Variants in MSH3 observed in about 807,000 individuals in gnomAD.
The protein encoded by MSH3 is mutS homolog 3, also known as DNA mismatch repair protein Msh3.
Under a neutral mutation model 123.3 loss-of-function variants are expected in MSH3, and 106 were observed. The observed-to-expected ratio is 0.86, with a 90% CI of 0.73 to 1.01. The LOEUF is 1.01. Among genes scored for constraint, MSH3 ranks in the 50% least tolerant of loss-of-function variants. The probability of loss-of-function intolerance (pLI) is 0.00; values close to 1 mark genes in which losing one functional copy is unlikely to be tolerated. For missense variants in MSH3, 1,459 were observed against 1,347.6 expected, an observed-to-expected ratio of 1.08 and a Z score of -1.29; for synonymous variants, 515 against 481.4, an observed-to-expected ratio of 1.07 and a Z score of -0.91.
intron 17 of MSH3, among the ~76,000 whole-genome samples, chr5:80,780,536 G>A (rs1359419013): frequency 6.6e-6 from 1 of 152,160 alleles, no homozygotes; most frequent in African/African-American, 2.4e-5. Context: ...GAGCCTGCAG[G>A]CATCAGTCTA....
chr5:80,741,547 A>G lies in MSH3; in HGVS notation c.1652A>G (p.Gln551Arg), dbSNP rs1743614866. 6.2e-7 allele frequency: 1 copy of G among 1,604,180 alleles called. No individual in the cohort carries two copies. Among genetic ancestry groups the G allele is most frequent in the Non-Finnish European group, 8.5e-7 (1 of 1,171,062 alleles). Residue 551 changes from glutamine (Q) to arginine (R), a missense_variant and splice_region_variant, in exon 11 of 24, where the codon CAG becomes CGG. Coordinates refer to ENST00000265081, the MANE Select transcript of MSH3 (RefSeq NM_002439.5). ...AGGAATCTGGAAATCCTACAGAATC[A>G]GGTCAGGCAAATACAAGGGCTAGTT... The part of the protein sequence containing the change: ...TLRNLEILQN[Q>R]TDMKTKGSLL...
chr5:80,719,326 A>T (rs1307214843), intron 8 of MSH3, among the ~76,000 whole-genome samples: 1 of 152,100 alleles, frequency 6.6e-6, no homozygotes, highest in Admixed American at 6.5e-5. Context: ...GATTACAGGC[A>T]TGAGCCACTG....
At chr5:80,755,602 C>A (rs565729431) in intron 12 of MSH3, among the ~76,000 whole-genome samples, 17 of 152,140 alleles carry the variant, frequency 1.1e-4, no homozygotes, top group African/African-American at 3.9e-4. Context: ...AACAAACATC[C>A]CTTTAGGACA....
At chr5:80,763,413 C>T (rs1343711083) in intron 13 of MSH3, among the ~76,000 whole-genome samples, 1 of 152,180 alleles carries the variant, frequency 6.6e-6, no homozygotes, top group Non-Finnish European at 1.5e-5. Flanking sequence ...TTATTGGGTA[C>T]ACCATGTTAT....
At chr5:80,844,163 A>G (rs988124185) in intron 20 of MSH3, among the ~76,000 whole-genome samples, 2 of 152,052 alleles carry the variant, frequency 1.3e-5, no homozygotes, top group African/African-American at 2.4e-5. Context: ...TGTACCCAGT[A>G]GTCATTCAGG....
At chr5:80,692,166 G>A (rs1162377945) in intron 8 of MSH3, among the ~76,000 whole-genome samples, 1 of 127,542 alleles carries the variant, frequency 7.8e-6, no homozygotes. Flanking sequence ...AGATAAACAT[G>A]TATATGTTTA....
intron 18 of MSH3, among the ~76,000 whole-genome samples, chr5:80,788,115 A>G (rs890312960): frequency 6.6e-6 from 1 of 152,232 alleles, no homozygotes; most frequent in Admixed American, 6.5e-5. Flanking sequence ...TTTTTCATAA[A>G]GGATGTTAGC....
At chr5:80,805,943 A>T (rs1204874591) in intron 19 of MSH3, among the ~76,000 whole-genome samples, 1 of 152,106 alleles carries the variant, frequency 6.6e-6, no homozygotes, top group African/African-American at 2.4e-5. Flanking sequence ...AGTTGAAGGT[A>T]TCAGTCCTTC....
intron 4 of MSH3, among the ~76,000 whole-genome samples, chr5:80,671,244 G>A (rs1749718459): frequency 6.6e-6 from 1 of 152,202 alleles, no homozygotes; most frequent in Admixed American, 6.5e-5. Flanking sequence ...TATTGCAGAT[G>A]ACACCTTTGT....
At position 80,768,050 on chromosome 5, in the gene MSH3, A is replaced by AT. The variant is rs1744152835; in HGVS notation, c.2018dup (p.Leu673PhefsTer5). The AT allele has an allele frequency of 6.2e-7, 1 of 1,613,822 alleles. No homozygotes were observed. Among genetic ancestry groups the AT allele is most frequent in the African/African-American group, 1.3e-5 (1 of 75,018 alleles). On this transcript the variant is annotated frameshift_variant, in exon 14 of 24. Transcript: ENST00000265081. LOFTEE classifies it high-confidence loss of function. ...TCAGTCAGACTTGCTCCGGACCGTT[A>AT]TTTTAGAAATTCCTGAACTCCTCAG... is the stretch of plus-strand genomic sequence containing the variant.
intron 20 of MSH3, among the ~76,000 whole-genome samples, chr5:80,827,287 T>C (rs1745336792): frequency 1.3e-5 from 2 of 152,226 alleles, no homozygotes; most frequent in South Asian, 4.1e-4. Flanking sequence ...GCTAACAATT[T>C]TCATGCCATG....
chr5:80,848,062 C>T (rs1048282259), intron 20 of MSH3, among the ~76,000 whole-genome samples: 4 of 152,132 alleles, frequency 2.6e-5, no homozygotes, highest in African/African-American at 9.7e-5. Flanking sequence ...GGAACCCCAT[C>T]TCTACTAAAG....
chr5:80,813,785 C>A, intron 20 of MSH3, 44 bp downstream of exon 20: 3 of 1,599,328 alleles, frequency 1.9e-6, no homozygotes, highest in South Asian at 1.1e-5. Flanking sequence ...GAAAATAAGT[C>A]AAGCCCACAT....
At chr5:80,698,810 G>A (rs892919787) in intron 8 of MSH3, among the ~76,000 whole-genome samples, 6 of 149,708 alleles carry the variant, frequency 4.0e-5, no homozygotes, top group Non-Finnish European at 8.9e-5. Context: ...GTTGTGGGGT[G>A]GTGGGGGGGA....
intron 2 of MSH3, among the ~76,000 whole-genome samples, chr5:80,658,738 C>T (rs1299580765): frequency 1.3e-5 from 2 of 151,744 alleles, no homozygotes; most frequent in African/African-American, 4.9e-5. Context: ...ACCACAGGTG[C>T]ATGCCACCAT....
At chr5:80,684,738 C>T (rs563785098) in intron 8 of MSH3, among the ~76,000 whole-genome samples, 4 of 152,030 alleles carry the variant, frequency 2.6e-5, no homozygotes, top group South Asian at 2.1e-4. Flanking sequence ...GCATCATTAT[C>T]GTACTTAGAG....
In MSH3 at chr5:80,728,880, T is replaced by C. The variant is rs771678018; in HGVS notation, c.1483T>C (p.Leu495=). The C allele has an allele frequency of 6.2e-7, 1 of 1,609,202 alleles. No homozygotes were observed. Among genetic ancestry groups the C allele is most frequent in the Non-Finnish European group, 8.5e-7 (1 of 1,175,794 alleles). ...GSQIISGIVN[L]EKPVICSLAA... The stretch of plus-strand genomic sequence containing the variant: ...TCAAATTATTTCTGGCATTGTTAAC[T>C]TAGAGAAGCCTGTGATTTGCTCTTT... Residue 495 remains leucine (L), a synonymous_variant, in exon 10 of 24, where the codon TTA becomes CTA. Coordinates refer to ENST00000265081, the MANE Select transcript of MSH3 (RefSeq NM_002439.5).
At position 80,654,943 on chromosome 5, in the gene MSH3, G is replaced by GC; in HGVS notation, c.220dup (p.Gln74ProfsTer11). 1.4e-6 allele frequency: 2 copies of GC among 1,471,410 alleles called. No individual in the cohort carries two copies. The highest frequency in any genetic ancestry group is 1.3e-5 in the South Asian group (1 of 77,190). The allele number at this position is 1,471,410 out of a possible 1,614,324, so 91.1% of individuals were successfully genotyped here. Reference sequence around the variant, plus strand: ...CAGCGCCCCCAGCTCCCGCCTTCCCGCCCCAGCTGCCGCCGCACATAGTAG... The same window carrying GC: ...CAGCGCCCCCAGCTCCCGCCTTCCCGCCCCCAGCTGCCGCCGCACATAGTAG... On this transcript the variant is annotated frameshift_variant, in exon 1 of 24. Transcript: ENST00000265081. LOFTEE classifies it high-confidence loss of function.
rs144607594 is a variant in MSH3, at chr5:80,656,529, C to T, written c.356C>T (p.Ser119Phe). 3.6e-4 allele frequency: 579 copies of T among 1,614,132 alleles called. 4 individuals carry two copies. In the East Asian group the frequency reaches 0.011, roughly 30 times the overall value. Residue 119 changes from serine (S) to phenylalanine (F), a missense_variant and splice_region_variant, in exon 2 of 24, where the codon TCT (serine) becomes TTT (phenylalanine). Coordinates refer to ENST00000265081, the MANE Select transcript of MSH3 (RefSeq NM_002439.5). Reference protein sequence around the residue: ...GGSDLGMSGNSEPKKCLRTRN... With the variant: ...GGSDLGMSGNFEPKKCLRTRN... ...AGTGATCTGGGAATGTCTGGCAACT[C>T]TGGTGAGTTGTGGGGGATTCTTTTT...
Sources: allele counts gnomAD v4.1 joint callset (sites outside exome capture counted in the v4.1 genomes callset), GRCh38; gene constraint gnomAD v4.1.1; transcripts MANE v1.5; gene names NCBI Gene and HGNC (gene_info 2026-07-23, HGNC 2026-07-21).